Variants in ADARB2 observed in about 807,000 individuals in gnomAD.
ADARB2 encodes inactive double-stranded RNA-specific editase B2.
In ADARB2, 25 loss-of-function variants were observed where a neutral mutation model predicts 62.2. That is an observed-to-expected ratio of 0.40 (90% CI 0.29 to 0.56). The LOEUF (loss-of-function observed/expected upper bound fraction) is 0.56, where lower values mean the gene tolerates loss of function less well. Ranked by LOEUF, ADARB2 falls within the 20% of genes least tolerant of loss-of-function variation. ADARB2 has a pLI of 0.43. For missense variants in ADARB2, 1,071 were observed against 1,077.4 expected (o/e 0.99, Z 0.08); for synonymous variants, 572 against 500.8 (o/e 1.14, Z -1.90).
intron 1 of ADARB2, among the ~76,000 whole-genome samples, chr10:1,660,524 C>T (rs532836060): frequency 6.6e-6 from 1 of 152,166 alleles, no homozygotes; most frequent in South Asian, 2.1e-4. Flanking sequence ...CGAATAGCTC[C>T]AGTATCTGGG....
intron 1 of ADARB2, among the ~76,000 whole-genome samples, chr10:1,532,520 CT>C (rs1375142594): frequency 6.6e-6 from 1 of 152,140 alleles, no homozygotes; most frequent in East Asian, 1.9e-4. Flanking sequence ...AATTCACCCC[CT>C]GGCATTGACC....
chr10:1,229,862 G>GTGTGTA (rs1554746181), intron 6 of ADARB2, among the ~76,000 whole-genome samples: 4,654 of 151,574 alleles, frequency 0.031, 106 homozygotes, highest in African/African-American at 0.066. Flanking sequence ...GTGTGTGTGT[G>GTGTGTA]TGTGTGGGTA....
rs1588360703 is a variant in ADARB2, at chr10:1,707,677, C to T, written c.100+29374G>A. On this transcript the variant is annotated intron_variant, in intron 1 of 9. Transcript: ENST00000381312. ...GTGGGTTAACCACTATACAGGGATG[C>T]CTTCCTGGGCTTGGTTCGGCACAGT... Among the ~76,000 whole-genome samples the T allele has an allele frequency of 3.9e-5, 6 of 152,326 alleles. No individual in the cohort carries two copies. The South Asian group carries it at 1.2e-3, about 32-fold the overall frequency.
intron 1 of ADARB2, among the ~76,000 whole-genome samples, chr10:1,436,900 A>C (rs992198287): frequency 6.6e-6 from 1 of 152,168 alleles, no homozygotes; most frequent in Non-Finnish European, 1.5e-5. Context: ...ATTTTCTATT[A>C]ATCTCACCAC....
At chr10:1,378,055 A>C (rs1019477597) in intron 2 of ADARB2, among the ~76,000 whole-genome samples, 1 of 152,134 alleles carries the variant, frequency 6.6e-6, no homozygotes, top group African/African-American at 2.4e-5. Flanking sequence ...TGGTTGAAAA[A>C]GGAGCCATTT....
At position 1,720,386 on chromosome 10, in the gene ADARB2, A is replaced by C. The variant is rs555187947; in HGVS notation, c.100+16665T>G. Reference sequence around the variant, plus strand: ...CTGGGAACACTAGAAGGGTCCGGAGAAGAACAAGGATTGAAAAACTGCCAG... The same window carrying C: ...CTGGGAACACTAGAAGGGTCCGGAGCAGAACAAGGATTGAAAAACTGCCAG... On this transcript the variant is annotated intron_variant, in intron 1 of 9. Transcript: ENST00000381312. 7.9e-5 allele frequency among the ~76,000 whole-genome samples: 12 copies of C among 152,286 alleles called. No homozygotes were observed. The East Asian group carries it at 1.9e-3, about 25-fold the overall frequency.
At chr10:1,209,325 A>ACATCATCACCCACACTCT (rs1564221131) in intron 7 of ADARB2, among the ~76,000 whole-genome samples, 42 of 149,214 alleles carry the variant, frequency 2.8e-4, no homozygotes, top group Non-Finnish European at 5.5e-4. Flanking sequence ...GCCCACACCC[A>ACATCATCACCCACACTCT]CGCCATCACC....
chr10:1,573,268 G>T (rs1036255962), intron 1 of ADARB2, among the ~76,000 whole-genome samples: 1 of 152,192 alleles, frequency 6.6e-6, no homozygotes, highest in Non-Finnish European at 1.5e-5. Context: ...GGACAGCTTG[G>T]ATGAGCCCCG....
chr10:1,359,720 C>T (rs369651375), intron 3 of ADARB2, among the ~76,000 whole-genome samples: 4 of 152,312 alleles, frequency 2.6e-5, no homozygotes, highest in South Asian at 2.1e-4. Flanking sequence ...CTCTTCCCGC[C>T]GCGGCCCTGC....
At chr10:1,635,829 T>C (rs977742694) in intron 1 of ADARB2, among the ~76,000 whole-genome samples, 7 of 152,220 alleles carry the variant, frequency 4.6e-5, no homozygotes, top group Non-Finnish European at 8.8e-5. Flanking sequence ...CTCCTCACTC[T>C]ATCCCTGGAC....
intron 1 of ADARB2, among the ~76,000 whole-genome samples, chr10:1,532,370 T>A (rs1160076886): frequency 6.6e-6 from 1 of 152,176 alleles, no homozygotes; most frequent in African/African-American, 2.4e-5. Flanking sequence ...GGGAACCAAC[T>A]TTCCCCCGTG....
chr10:1,664,070 G>A (rs567204432), intron 1 of ADARB2, among the ~76,000 whole-genome samples: 11 of 152,364 alleles, frequency 7.2e-5, no homozygotes, highest in African/African-American at 2.2e-4. Context: ...GTTTCTGTGT[G>A]CCTGTGTTTT....
At chr10:1,655,224 C>T (rs1218519526) in intron 1 of ADARB2, among the ~76,000 whole-genome samples, 1 of 152,196 alleles carries the variant, frequency 6.6e-6, no homozygotes, top group African/African-American at 2.4e-5. Flanking sequence ...GTTCATTGTC[C>T]TGGACAATAA....
chr10:1,241,568 G>C (rs1830924106), intron 5 of ADARB2, among the ~76,000 whole-genome samples: 1 of 152,184 alleles, frequency 6.6e-6, no homozygotes, highest in African/African-American at 2.4e-5. Flanking sequence ...AAACCACCTG[G>C]GTTTTGCTCC....
intron 1 of ADARB2, among the ~76,000 whole-genome samples, chr10:1,685,986 G>A (rs1395037145): frequency 1.3e-5 from 2 of 152,244 alleles, no homozygotes; most frequent in Non-Finnish European, 2.9e-5. Flanking sequence ...CACTCCAGTG[G>A]CTCAGCCTTC....
chr10:1,597,709 T>C (rs1278509690), intron 1 of ADARB2, among the ~76,000 whole-genome samples: 2 of 152,210 alleles, frequency 1.3e-5, no homozygotes, highest in South Asian at 2.1e-4. Flanking sequence ...TGAAAACAGC[T>C]TGGAGATTTT....
intron 1 of ADARB2, among the ~76,000 whole-genome samples, chr10:1,449,176 G>A (rs1444707926): frequency 6.6e-6 from 1 of 152,136 alleles, no homozygotes; most frequent in Non-Finnish European, 1.5e-5. Flanking sequence ...TTTATTGCCA[G>A]GAACAGTCAG....
At chr10:1,373,853 G>A (rs1439464860) in intron 2 of ADARB2, among the ~76,000 whole-genome samples, 4 of 148,490 alleles carry the variant, frequency 2.7e-5, no homozygotes, top group African/African-American at 7.6e-5. Flanking sequence ...AACCGCGTGG[G>A]CTCCGCGCAC....
At chr10:1,231,206 A>ACT (rs1830801022) in intron 6 of ADARB2, among the ~76,000 whole-genome samples, 1 of 152,114 alleles carries the variant, frequency 6.6e-6, no homozygotes, top group African/African-American at 2.4e-5. Flanking sequence ...TGGATAACTC[A>ACT]GCACCAACCC....
Sources: allele counts gnomAD v4.1 joint callset (sites outside exome capture counted in the v4.1 genomes callset), GRCh38; gene constraint gnomAD v4.1.1; transcripts MANE v1.5; gene names NCBI Gene and HGNC (gene_info 2026-07-23, HGNC 2026-07-21).